The following SOX5 variants were observed in gnomAD, a reference collection of about 807,000 sequenced individuals.
SOX5 encodes transcription factor SOX-5.
SOX5 carries 9 observed loss-of-function variants against 92.0 expected under a neutral mutation model. That is an observed-to-expected ratio of 0.10 (90% CI 0.06 to 0.17). The LOEUF is 0.17. Among genes scored for constraint, SOX5 ranks in the 10% least tolerant of loss-of-function variants. The probability of loss-of-function intolerance (pLI) is 1.00; values close to 1 mark genes in which losing one functional copy is unlikely to be tolerated. For missense variants in SOX5, 642 were observed against 944.5 expected, an observed-to-expected ratio of 0.68 and a Z score of 4.20; for synonymous variants, 344 against 336.3, an observed-to-expected ratio of 1.02 and a Z score of -0.25.
At chr12:24,233,902 G>A (rs920463709) in intron 3 of SOX5, among the ~76,000 whole-genome samples, 1 of 152,204 alleles carries the variant, frequency 6.6e-6, no homozygotes, top group South Asian at 2.1e-4. Context: ...CTTGTACCAT[G>A]ACTTTTATCT....
chr12:24,106,889 C>T (rs1050631733), intron 4 of SOX5, among the ~76,000 whole-genome samples: 1 of 150,488 alleles, frequency 6.6e-6, no homozygotes, highest in Non-Finnish European at 1.5e-5. Context: ...ATGAGAAATA[C>T]CCTAAAAGAG....
intron 11 of SOX5, among the ~76,000 whole-genome samples, chr12:23,556,223 A>T (rs1945149309): frequency 6.6e-6 from 1 of 152,230 alleles, no homozygotes; most frequent in African/African-American, 2.4e-5. Flanking sequence ...CAACTTGCAC[A>T]TAAAAAGCTG....
chr12:24,032,110 GACTGGATTTGGTA>G (rs1346977223), intron 4 of SOX5, among the ~76,000 whole-genome samples: 1 of 151,852 alleles, frequency 6.6e-6, no homozygotes, highest in Non-Finnish European at 1.5e-5. Flanking sequence ...ATAGTAAGTA[GACTGGATTTGGTA>G]ACTGGTAACA....
intron 1 of SOX5, among the ~76,000 whole-genome samples, chr12:24,382,158 A>G (rs1190711805): frequency 6.6e-6 from 1 of 152,190 alleles, no homozygotes; most frequent in Non-Finnish European, 1.5e-5. Flanking sequence ...TAAGTTAGGG[A>G]AGTGCTAAGG....
At chr12:24,316,058 C>T (rs1435171761) in intron 2 of SOX5, among the ~76,000 whole-genome samples, 2 of 152,240 alleles carry the variant, frequency 1.3e-5, no homozygotes, top group East Asian at 3.8e-4. Flanking sequence ...TCTGCAGGCA[C>T]AGCCATGCCA....
At chr12:24,370,475 T>C (rs1595996859) in intron 1 of SOX5, among the ~76,000 whole-genome samples, 1 of 15,536 alleles carries the variant, frequency 6.4e-5, no homozygotes, top group African/African-American at 2.1e-4. Context: ...AGACTCCGTC[T>C]CAAAAAAAAA....
At chr12:23,755,320 G>A (rs2094329947) in intron 4 of SOX5, among the ~76,000 whole-genome samples, 1 of 151,464 alleles carries the variant, frequency 6.6e-6, no homozygotes, top group Non-Finnish European at 1.5e-5. Flanking sequence ...CCTTGCTATA[G>A]GTACATTCTT....
At chr12:23,978,621 T>C (rs929583843) in intron 4 of SOX5, among the ~76,000 whole-genome samples, 1 of 152,156 alleles carries the variant, frequency 6.6e-6, no homozygotes, top group Middle Eastern at 3.2e-3. Context: ...AAGGAATTCA[T>C]TGCCTTTATC....
chr12:24,559,202 G>T (rs1274835894), intron 1 of SOX5, among the ~76,000 whole-genome samples: 1 of 152,076 alleles, frequency 6.6e-6, no homozygotes, highest in South Asian at 2.1e-4. Flanking sequence ...AAAAATTTTT[G>T]ACCAGTGCAT....
In SOX5 at chr12:24,212,423, A is replaced by G. The variant is rs1163332693; in HGVS notation, c.-2+920T>C. On this transcript the variant is annotated intron_variant, in intron 4 of 4. Transcript: ENST00000446891. The stretch of plus-strand genomic sequence containing the variant: ...AATGAAAACTGAAAAAGCCACTGGT[A>G]GTTGTTCTACAGAAGACCTGGATGT... 9 of 533,986 alleles carry G rather than the reference A, an allele frequency of 1.7e-5. No homozygotes were observed. In the East Asian group the frequency reaches 4.9e-4, roughly 29 times the overall value. 33.1% of individuals were successfully genotyped at this position (533,986 alleles called of 1,614,324 possible). A position where few individuals can be genotyped will look rare whatever the true frequency, so the allele number is the denominator to read the frequency against.
chr12:24,089,266 A>C (rs1944363288), intron 4 of SOX5, among the ~76,000 whole-genome samples: 1 of 152,138 alleles, frequency 6.6e-6, no homozygotes, highest in Admixed American at 6.5e-5. Context: ...TTCATCCTAA[A>C]AAACAAAGAA....
At chr12:23,816,408 C>T (rs578229500) in intron 3 of SOX5, among the ~76,000 whole-genome samples, 100 of 151,902 alleles carry the variant, frequency 6.6e-4, no homozygotes, top group Non-Finnish European at 1.2e-3. Context: ...GATGGCGTTT[C>T]ACTATGTTGG....
intron 4 of SOX5, among the ~76,000 whole-genome samples, chr12:24,166,149 G>T (rs979941293): frequency 6.6e-6 from 1 of 152,104 alleles, no homozygotes; most frequent in African/African-American, 2.4e-5. Context: ...AAGGGTGGTG[G>T]GTTGGGAATG....
rs111280241 is a variant in SOX5 at position 24,492,290 on chromosome 12, G to C, written c.-251+70039C>G. The stretch of plus-strand genomic sequence containing the variant: ...AAAGTCAGGGAATAAAATGGCTTCT[G>C]ATTGATTGTTTAGCCTCATTCCCCC... On this transcript the variant is annotated intron_variant, in intron 1 of 4. Coordinates refer to the SOX5 transcript ENST00000446891. Among the ~76,000 whole-genome samples the C allele has an allele frequency of 9.6e-3, 1,467 of 152,244 alleles. 32 individuals carry two copies. Among genetic ancestry groups the C allele is most frequent in the African/African-American group, 0.034 (1,424 of 41,534 alleles).
chr12:24,015,282 C>CA (rs1178439015), intron 4 of SOX5, among the ~76,000 whole-genome samples: 3 of 151,956 alleles, frequency 2.0e-5, no homozygotes, highest in African/African-American at 7.2e-5. Context: ...GCTCTTTTCA[C>CA]AAAAAAGCCA....
At chr12:23,646,993 G>A (rs1333857602) in intron 7 of SOX5, among the ~76,000 whole-genome samples, 5 of 152,140 alleles carry the variant, frequency 3.3e-5, no homozygotes, top group Non-Finnish European at 5.9e-5. Context: ...ATTTATAATT[G>A]TAAATCTTTT....
chr12:23,668,262 T>C (rs2084170351), intron 6 of SOX5, among the ~76,000 whole-genome samples: 1 of 152,184 alleles, frequency 6.6e-6, no homozygotes, highest in South Asian at 2.1e-4. Flanking sequence ...AACAAAGTTA[T>C]ATATTGATTA....
chr12:23,616,525 G>A (rs551803127), intron 8 of SOX5, among the ~76,000 whole-genome samples: 14 of 152,292 alleles, frequency 9.2e-5, no homozygotes, highest in African/African-American at 3.1e-4. Flanking sequence ...TAGAGTCACC[G>A]GGAGGAGCAA....
chr12:24,507,340 T>G (rs986677431), intron 1 of SOX5, among the ~76,000 whole-genome samples: 1 of 151,536 alleles, frequency 6.6e-6, no homozygotes, highest in East Asian at 1.9e-4. Context: ...GAACCTGAAT[T>G]TAATCAAACC....
Sources: gnomAD v4.1 joint callset for allele counts (sites outside exome capture counted in the v4.1 genomes callset) on GRCh38, gnomAD v4.1.1 for gene constraint, MANE v1.5 for transcripts, NCBI Gene and HGNC (gene_info 2026-07-23, HGNC 2026-07-21) for gene names.